The following NUMB variants were observed in gnomAD, a reference collection of about 807,000 sequenced individuals.
NUMB encodes the protein NUMB endocytic adaptor protein.
NUMB carries 29 observed loss-of-function variants against 59.7 expected under a neutral mutation model. That is an observed-to-expected ratio of 0.49 (90% CI 0.36 to 0.66). The LOEUF (loss-of-function observed/expected upper bound fraction) is 0.66, where lower values mean the gene tolerates loss of function less well. Ranked by LOEUF, NUMB falls within the 30% of genes least tolerant of loss-of-function variation. NUMB has a pLI of 0.00. For missense variants in NUMB, 723 were observed against 822.0 expected, an observed-to-expected ratio of 0.88 and a Z score of 1.47; for synonymous variants, 288 against 288.2, an observed-to-expected ratio of 1.00 and a Z score of 0.01.
In NUMB at chr14:73,277,158, G is replaced by A; in HGVS notation, c.1376C>T (p.Ser459Leu). 6.2e-7 allele frequency: 1 copy of A among 1,614,004 alleles called. No individual in the cohort carries two copies. The highest frequency in any genetic ancestry group is 8.5e-7 in the Non-Finnish European group (1 of 1,179,994). Residue 459 changes from serine (S) to leucine (L), a missense_variant, in exon 13 of 13, where the codon TCA becomes TTA. Transcript: ENST00000555238. ...GAGAACTGGCTGCAGAGGAGCAGCTGAGGCCTGGGGCTGCTGAGCCCGGAC... is the reference window on the plus strand; with the variant it reads ...GAGAACTGGCTGCAGAGGAGCAGCTAAGGCCTGGGGCTGCTGAGCCCGGAC... ...KSVRAQQPQA[S>L]AAPLQPVLQP...
At chr14:73,376,458 C>CT (rs1199127916) in intron 2 of NUMB, among the ~76,000 whole-genome samples, 1 of 151,652 alleles carries the variant, frequency 6.6e-6, no homozygotes, top group African/African-American at 2.4e-5. Flanking sequence ...AATGTCAGGT[C>CT]TTCCCAACTT....
intron 2 of NUMB, among the ~76,000 whole-genome samples, chr14:73,378,475 A>C (rs990293599): frequency 1.3e-5 from 2 of 152,228 alleles, no homozygotes; most frequent in Non-Finnish European, 2.9e-5. Context: ...CTTTATTCAT[A>C]ATTGCCAAAA....
At chr14:73,394,174 C>T (rs760345990) in intron 2 of NUMB, among the ~76,000 whole-genome samples, 6 of 152,030 alleles carry the variant, frequency 3.9e-5, no homozygotes, top group Non-Finnish European at 7.4e-5. Context: ...AGGCTGGTCT[C>T]GAACTCGTGA....
intron 6 of NUMB, among the ~76,000 whole-genome samples, chr14:73,303,788 CT>C (rs5809611): frequency 0.8 from 121,469 of 151,806 alleles, 49,141 homozygotes; most frequent in African/African-American, 0.92. Flanking sequence ...GACAAAAATC[CT>C]TTTTTTTTCA....
chr14:73,311,044 CTATT>C (rs562456821), intron 6 of NUMB, among the ~76,000 whole-genome samples: 4 of 151,874 alleles, frequency 2.6e-5, no homozygotes, highest in Non-Finnish European at 4.4e-5. Flanking sequence ...AGGCAATGAG[CTATT>C]TATTTATTTA....
chr14:73,439,026 A>G (rs1004040220), intron 1 of NUMB, among the ~76,000 whole-genome samples: 3 of 152,228 alleles, frequency 2.0e-5, no homozygotes, highest in Non-Finnish European at 2.9e-5. Context: ...TAACAAATCT[A>G]TAATCAAGAA....
intron 2 of NUMB, among the ~76,000 whole-genome samples, chr14:73,407,431 C>A (rs182890195): frequency 1.3e-5 from 2 of 152,234 alleles, no homozygotes; most frequent in East Asian, 3.9e-4. Context: ...CAGAGCAAGA[C>A]CCTGTCTCAA....
chr14:73,402,490 C>T (rs1189992603), intron 2 of NUMB, among the ~76,000 whole-genome samples: 1 of 152,162 alleles, frequency 6.6e-6, no homozygotes, highest in African/African-American at 2.4e-5. Flanking sequence ...TGCCTAAGAA[C>T]ACACAACTAT....
chr14:73,276,525 C>A lies in NUMB; in HGVS notation c.*53G>T. ...AAAGTCTGTTTTGCTCCTTTGACCG[C>A]TACCCCCTGCTCCCTGTCTGGTATG... is the stretch of plus-strand genomic sequence containing the variant. On this transcript the variant is annotated 3_prime_UTR_variant, in exon 13 of 13. Transcript: ENST00000555238. The A allele has an allele frequency of 6.9e-7, 1 of 1,443,108 alleles. No individual in the cohort carries two copies. Among genetic ancestry groups the A allele is most frequent in the Admixed American group, 1.9e-5 (1 of 53,960 alleles). The allele number at this position is 1,443,108 out of a possible 1,614,324, so 89.4% of individuals were successfully genotyped here.
intron 4 of NUMB, among the ~76,000 whole-genome samples, chr14:73,351,048 T>C (rs1441498944): frequency 6.6e-6 from 1 of 152,190 alleles, no homozygotes; most frequent in Non-Finnish European, 1.5e-5. Context: ...ATTGAAAAAT[T>C]ACCAGTTGAA....
intron 2 of NUMB, among the ~76,000 whole-genome samples, chr14:73,379,402 T>C (rs1376625025): frequency 6.6e-6 from 1 of 152,214 alleles, no homozygotes; most frequent in Non-Finnish European, 1.5e-5. Flanking sequence ...TATAGAGATA[T>C]AGCAGAGAAT....
chr14:73,426,707 C>T (rs1030897232), intron 1 of NUMB, among the ~76,000 whole-genome samples: 2 of 152,054 alleles, frequency 1.3e-5, no homozygotes, highest in South Asian at 4.2e-4. Flanking sequence ...ACTAGCCAGG[C>T]GTGGTGGCGG....
chr14:73,379,086 C>T (rs536201975), intron 2 of NUMB, among the ~76,000 whole-genome samples: 34 of 152,160 alleles, frequency 2.2e-4, no homozygotes, highest in Non-Finnish European at 4.6e-4. Context: ...AAAAAGACCT[C>T]TCCATGATCA....
chr14:73,367,342 TATATATAGAG>T (rs1339736388), intron 2 of NUMB, among the ~76,000 whole-genome samples: 2 of 78,622 alleles, frequency 2.5e-5, no homozygotes, highest in Non-Finnish European at 4.4e-5. Flanking sequence ...TATATATATA[TATATATAGAG>T]AGAGAGAGAG....
At chr14:73,418,686 G>T (rs745750005) in intron 1 of NUMB, among the ~76,000 whole-genome samples, 1 of 151,724 alleles carries the variant, frequency 6.6e-6, no homozygotes, top group Non-Finnish European at 1.5e-5. Flanking sequence ...CAAGAGAATC[G>T]CTTGAACCCG....
chr14:73,447,109 C>A (rs565828738), intron 1 of NUMB, among the ~76,000 whole-genome samples: 1 of 151,604 alleles, frequency 6.6e-6, no homozygotes, highest in Non-Finnish European at 1.5e-5. Context: ...ATCGCTTGAA[C>A]CCGGGAGGCG....
chr14:73,396,585 G>T (rs1246038994), intron 2 of NUMB, among the ~76,000 whole-genome samples: 1 of 151,860 alleles, frequency 6.6e-6, no homozygotes, highest in Non-Finnish European at 1.5e-5. Flanking sequence ...ACCTGGGCTG[G>T]TCTCAAACTC....
At chr14:73,404,835 A>G (rs8010522) in intron 2 of NUMB, among the ~76,000 whole-genome samples, 39,010 of 151,224 alleles carry the variant, frequency 0.26, 5,831 homozygotes, top group East Asian at 0.68. Context: ...ATCTTAGCTC[A>G]CTGCAACCTC....
At chr14:73,339,853 G>A (rs1281985463) in intron 4 of NUMB, among the ~76,000 whole-genome samples, 2 of 152,164 alleles carry the variant, frequency 1.3e-5, no homozygotes, top group African/African-American at 4.8e-5. Context: ...GGTAGAAACT[G>A]GAGGGCAGGC....
Sources: gnomAD v4.1 joint callset for allele counts (sites outside exome capture counted in the v4.1 genomes callset) on GRCh38, gnomAD v4.1.1 for gene constraint, MANE v1.5 for transcripts, NCBI Gene and HGNC (gene_info 2026-07-23, HGNC 2026-07-21) for gene names.